Variants in RALYL observed in about 807,000 individuals in gnomAD.
RALYL encodes RNA-binding Raly-like protein.
In RALYL, 29 loss-of-function variants were observed where a neutral mutation model predicts 35.1. That is an observed-to-expected ratio of 0.83 (90% confidence interval 0.61 to 1.13). The LOEUF (loss-of-function observed/expected upper bound fraction) is 1.13, where lower values mean the gene tolerates loss of function less well. RALYL is among the 50% of genes most tolerant of loss of function. RALYL has a pLI of 0.00. For missense variants in RALYL, 359 were observed against 360.4 expected (o/e 1.00, Z 0.03); for synonymous variants, 120 against 127.6 (o/e 0.94, Z 0.40).
chr8:84,735,004 T>TG (rs1846964995), intron 2 of RALYL, among the ~76,000 whole-genome samples: 5 of 100,882 alleles, frequency 5.0e-5, no homozygotes, highest in Admixed American at 1.0e-4. Flanking sequence ...TATAGATATG[T>TG]TTGTGTGTGT....
intron 1 of RALYL, among the ~76,000 whole-genome samples, chr8:84,230,872 G>T (rs544953121): frequency 6.6e-6 from 1 of 152,194 alleles, no homozygotes; most frequent in Non-Finnish European, 1.5e-5. Flanking sequence ...ATTAAATAGC[G>T]CAGTTGGTAC....
At chr8:84,622,748 G>A (rs1821825448) in intron 2 of RALYL, among the ~76,000 whole-genome samples, 1 of 152,112 alleles carries the variant, frequency 6.6e-6, no homozygotes. Context: ...TGTGGATTAT[G>A]GAAAGCCCAT....
intron 2 of RALYL, among the ~76,000 whole-genome samples, chr8:84,611,735 T>A (rs1359499806): frequency 1.3e-5 from 2 of 152,116 alleles, no homozygotes; most frequent in East Asian, 3.9e-4. Context: ...ACATTACATG[T>A]CTGTTTTTAG....
rs958357832 is a variant in RALYL at position 84,450,782 on chromosome 8, T to C, written c.-23-78517T>C. Among the ~76,000 whole-genome samples the C allele has an allele frequency of 8.6e-5, 13 of 152,004 alleles. 2 individuals carry two copies. In the South Asian group the frequency reaches 2.7e-3, roughly 31 times the overall value. On this transcript the variant is annotated intron_variant, in intron 1 of 8. Coordinates refer to ENST00000521268, the MANE Select transcript of RALYL (RefSeq NM_173848.7). ...AAGTCATGTCTTATTATGGTTAATT[T>C]TGCCAATTTTGTGGGCAAAGGGGTG...
At chr8:84,589,756 G>C (rs1812811505) in intron 2 of RALYL, among the ~76,000 whole-genome samples, 1 of 152,148 alleles carries the variant, frequency 6.6e-6, no homozygotes, top group African/African-American at 2.4e-5. Flanking sequence ...CATTTTAAGA[G>C]AAGAGCAATA....
intron 2 of RALYL, among the ~76,000 whole-genome samples, chr8:84,644,571 G>A (rs1472716243): frequency 6.6e-6 from 1 of 151,990 alleles, no homozygotes; most frequent in Non-Finnish European, 1.5e-5. Flanking sequence ...AGTGACAGCA[G>A]GGAAAGTGTA....
At chr8:84,444,431 T>C (rs2048657117) in intron 1 of RALYL, among the ~76,000 whole-genome samples, 1 of 152,100 alleles carries the variant, frequency 6.6e-6, no homozygotes, top group South Asian at 2.1e-4. Context: ...CAAGGGTATC[T>C]GAACGAGAAA....
chr8:84,677,224 A>G (rs751994313), intron 2 of RALYL, among the ~76,000 whole-genome samples: 11 of 152,214 alleles, frequency 7.2e-5, no homozygotes, highest in Non-Finnish European at 1.5e-4. Context: ...CGAGTTGTCA[A>G]TGTCCCAGAT....
chr8:84,596,716 T>C (rs1467228291), intron 2 of RALYL, among the ~76,000 whole-genome samples: 2 of 152,124 alleles, frequency 1.3e-5, no homozygotes, highest in Admixed American at 1.3e-4. Context: ...AAATTTTTCC[T>C]GATCTCAACT....
chr8:84,657,329 G>C (rs1382529871), intron 2 of RALYL, among the ~76,000 whole-genome samples: 1 of 152,104 alleles, frequency 6.6e-6, no homozygotes, highest in East Asian at 1.9e-4. Flanking sequence ...AAAAACAAAG[G>C]AATGTGCTTT....
intron 1 of RALYL, among the ~76,000 whole-genome samples, chr8:84,271,403 G>A (rs902336741): frequency 2.0e-5 from 3 of 150,016 alleles, no homozygotes; most frequent in Non-Finnish European, 4.4e-5. Context: ...AGTATGTGGG[G>A]AAACTAGGAC....
At chr8:84,818,070 A>T (rs1251647308) in intron 4 of RALYL, among the ~76,000 whole-genome samples, 1 of 152,204 alleles carries the variant, frequency 6.6e-6, no homozygotes, top group Non-Finnish European at 1.5e-5. Flanking sequence ...TCAGTTCAGA[A>T]GAGAGTGAAA....
intron 1 of RALYL, among the ~76,000 whole-genome samples, chr8:84,338,441 T>A (rs1848210364): frequency 6.7e-6 from 1 of 148,252 alleles, no homozygotes; most frequent in South Asian, 2.1e-4. Flanking sequence ...TCTAAGAGGA[T>A]AAAATTAGCT....
chr8:84,259,728 CAT>C (rs1339169351), intron 1 of RALYL, among the ~76,000 whole-genome samples: 1 of 152,036 alleles, frequency 6.6e-6, no homozygotes, highest in Non-Finnish European at 1.5e-5. Context: ...CTTTAATTTT[CAT>C]ACTTACTGAT....
At chr8:84,277,655 G>A (rs1835683505) in intron 1 of RALYL, among the ~76,000 whole-genome samples, 1 of 152,228 alleles carries the variant, frequency 6.6e-6, no homozygotes, top group Admixed American at 6.5e-5. Flanking sequence ...TGGGGGTACA[G>A]GCATTGGATA....
intron 8 of RALYL, among the ~76,000 whole-genome samples, chr8:84,919,085 C>T (rs1203334027): frequency 6.6e-6 from 1 of 151,958 alleles, no homozygotes; most frequent in Non-Finnish European, 1.5e-5. Flanking sequence ...TAAGAATGTA[C>T]TAAATTCATG....
At position 84,902,117 on chromosome 8, in the gene RALYL, C is replaced by T. The variant is rs370444089; in HGVS notation, c.858+14341C>T. ...TTGCTATAAAGAAATACCTAAGACT[C>T]GGTAACTTACAAAGAAAAGAGGTGT... On this transcript the variant is annotated intron_variant, in intron 8 of 8. Coordinates refer to ENST00000521268, the MANE Select transcript of RALYL (RefSeq NM_173848.7). 9.2e-5 allele frequency among the ~76,000 whole-genome samples: 14 copies of T among 152,198 alleles called. No individual in the cohort carries two copies. The South Asian group carries it at 1.7e-3, about 18-fold the overall frequency.
At chr8:84,447,763 G>A (rs916309327) in intron 1 of RALYL, among the ~76,000 whole-genome samples, 38 of 152,172 alleles carry the variant, frequency 2.5e-4, no homozygotes, top group African/African-American at 7.9e-4. Context: ...ACAAAGTAAC[G>A]TGGTACTTTA....
At chr8:84,235,998 C>A (rs987661053) in intron 1 of RALYL, among the ~76,000 whole-genome samples, 1 of 151,950 alleles carries the variant, frequency 6.6e-6, no homozygotes, top group Admixed American at 6.6e-5. Flanking sequence ...ATCTCCTGAC[C>A]TCATAATCCA....
Sources: gnomAD v4.1 joint callset for allele counts (sites outside exome capture counted in the v4.1 genomes callset) on GRCh38, gnomAD v4.1.1 for gene constraint, MANE v1.5 for transcripts, NCBI Gene and HGNC (gene_info 2026-07-23, HGNC 2026-07-21) for gene names.